CADPS2: variants seen among roughly 807,000 people sequenced by gnomAD.
The protein encoded by CADPS2 is calcium-dependent secretion activator 2.
In CADPS2, 93 loss-of-function variants were observed where a neutral mutation model predicts 172.5. The ratio of observed to expected loss-of-function variants is 0.54; its 90% CI spans 0.46 to 0.64. CADPS2 has a LOEUF of 0.64. CADPS2 is among the 30% of genes least tolerant of loss of function. The pLI is 0.00. For synonymous variants in CADPS2, 546 were observed against 555.2 expected, an observed-to-expected ratio of 0.98 and a Z score of 0.23; for missense variants, 1,420 against 1,565.9, an observed-to-expected ratio of 0.91 and a Z score of 1.57.
At position 122,886,203 on chromosome 7, in the gene CADPS2, C is replaced by G. The variant is rs1824336642; in HGVS notation, c.135G>C (p.Pro45=). 9 of 1,470,080 alleles carry G rather than the reference C, an allele frequency of 6.1e-6. No homozygotes were observed. The East Asian group carries it at 1.4e-4, about 23-fold the overall frequency. The allele number at this position is 1,470,080 out of a possible 1,614,324, so 91.1% of individuals were successfully genotyped here. A position where few individuals can be genotyped will look rare whatever the true frequency, so the allele number is the denominator to read the frequency against. ...APTREGRRDA[P]GRAGGGGAAR... is the part of the protein sequence containing the mutation. The stretch of plus-strand genomic sequence containing the variant: ...CCGCGCCGCCGCCGCCCGCGCGCCC[C>G]GGCGCGTCCCGCCGCCCTTCCCGAG... The change falls in exon 1 of 30, where the codon CCG becomes CCC. Residue 45 remains proline (P), a synonymous_variant. Coordinates refer to ENST00000449022, the MANE Select transcript of CADPS2 (RefSeq NM_017954.11).
Position 122,851,996 on chromosome 7 carries a change from C to T in CADPS2, c.339+34003G>A, listed in dbSNP as rs183504970. Among the ~76,000 whole-genome samples the T allele has an allele frequency of 1.7e-3, 256 of 152,292 alleles. 1 individual carries two copies. The highest frequency in any genetic ancestry group is 5.9e-3 in the African/African-American group (245 of 41,550). On this transcript the variant is annotated intron_variant, in intron 1 of 29. Coordinates refer to ENST00000449022, the MANE Select transcript of CADPS2 (RefSeq NM_017954.11). ...TACTATTATCACCCCTATATACAAA[C>T]CAGGAAACTGAGGCATAAGCCATGG...
chr7:122,458,967 A>T (rs569025006), intron 14 of CADPS2, among the ~76,000 whole-genome samples: 16 of 152,216 alleles, frequency 1.1e-4, no homozygotes, highest in African/African-American at 3.1e-4. Flanking sequence ...AAAAAACAAC[A>T]TATATTGTAA....
chr7:122,355,316 T>C (rs1358051872), intron 27 of CADPS2, among the ~76,000 whole-genome samples: 1 of 152,174 alleles, frequency 6.6e-6, no homozygotes, highest in Non-Finnish European at 1.5e-5. Flanking sequence ...CATGGTGGCA[T>C]ATGCCTGTAA....
At chr7:122,784,893 A>C (rs1338716285) in intron 1 of CADPS2, among the ~76,000 whole-genome samples, 1 of 152,066 alleles carries the variant, frequency 6.6e-6, no homozygotes, top group Non-Finnish European at 1.5e-5. Flanking sequence ...TTATATAATT[A>C]TTACCTTTCC....
chr7:122,392,449 A>G (rs1452254469), intron 22 of CADPS2, among the ~76,000 whole-genome samples: 1 of 151,828 alleles, frequency 6.6e-6, no homozygotes, highest in African/African-American at 2.4e-5. Context: ...ATTGTTTTAG[A>G]GTTGAGGAAA....
intron 15 of CADPS2, among the ~76,000 whole-genome samples, chr7:122,450,521 CTT>C (rs11422329): frequency 2.8e-3 from 225 of 79,074 alleles, no homozygotes; most frequent in African/African-American, 9.9e-3. Flanking sequence ...TATTGGTGGC[CTT>C]TTTTTTTTTT....
At chr7:122,487,183 C>T (rs564306946) in intron 11 of CADPS2, among the ~76,000 whole-genome samples, 241 of 151,730 alleles carry the variant, frequency 1.6e-3, no homozygotes, top group Middle Eastern at 0.014. Context: ...GCTAATTTTG[C>T]ATTTTTTGTA....
chr7:122,436,437 T>C (rs1199264565), intron 17 of CADPS2: 9 of 1,096,874 alleles, frequency 8.2e-6, no homozygotes, highest in Non-Finnish European at 1.1e-5. Context: ...TTGTCGTTCA[T>C]ATAATGTAAA....
intron 3 of CADPS2, among the ~76,000 whole-genome samples, chr7:122,652,094 C>T (rs2079211398): frequency 6.6e-6 from 1 of 152,180 alleles, no homozygotes; most frequent in African/African-American, 2.4e-5. Context: ...TTTTGGAGAA[C>T]CTCTTCATGA....
At chr7:122,729,065 C>T (rs2091388970) in intron 2 of CADPS2, among the ~76,000 whole-genome samples, 1 of 151,764 alleles carries the variant, frequency 6.6e-6, no homozygotes, top group Non-Finnish European at 1.5e-5. Context: ...TCGTTTGCTA[C>T]CTCCATGTGA....
chr7:122,859,148 A>T (rs1053492005), intron 1 of CADPS2, among the ~76,000 whole-genome samples: 1 of 152,180 alleles, frequency 6.6e-6, no homozygotes, highest in African/African-American at 2.4e-5. Context: ...TGCTCCTAAA[A>T]CTGCTTAATA....
At position 122,438,355 on chromosome 7, in the gene CADPS2, T is replaced by C; in HGVS notation, c.2462A>G (p.Tyr821Cys). 6.2e-7 allele frequency: 1 copy of C among 1,612,994 alleles called. No individual in the cohort carries two copies. The highest frequency in any genetic ancestry group is 8.5e-7 in the Non-Finnish European group (1 of 1,179,198). The change falls in exon 17 of 30, where the codon TAT becomes TGT. Residue 821 changes from tyrosine (Y) to cysteine (C), a missense_variant. Transcript: ENST00000449022. ...ACTGCACTGACCTTCTATTTTGGCA[T>C]ATTCTGTGAGTCTAGTGTAATTGAT... The part of the protein sequence containing the change: ...ALINYTRLTE[Y>C]AKIEETMNQA...
At chr7:122,774,451 C>T (rs1187294059) in intron 1 of CADPS2, among the ~76,000 whole-genome samples, 1 of 152,052 alleles carries the variant, frequency 6.6e-6, no homozygotes, top group Non-Finnish European at 1.5e-5. Flanking sequence ...AGAACCAGAA[C>T]CATTTCCAAG....
At chr7:122,449,944 T>C (rs180933740) in intron 15 of CADPS2, among the ~76,000 whole-genome samples, 11 of 152,296 alleles carry the variant, frequency 7.2e-5, no homozygotes, top group African/African-American at 2.2e-4. Context: ...CTAGCCCCAG[T>C]TGAAAAATCA....
chr7:122,669,142 G>A (rs1039213102), intron 2 of CADPS2, among the ~76,000 whole-genome samples: 4 of 151,970 alleles, frequency 2.6e-5, no homozygotes, highest in Admixed American at 2.0e-4. Context: ...ACCAGCCTGG[G>A]AAACATGGCG....
intron 1 of CADPS2, among the ~76,000 whole-genome samples, chr7:122,798,298 C>G (rs970126831): frequency 1.3e-5 from 2 of 152,242 alleles, no homozygotes; most frequent in Non-Finnish European, 2.9e-5. Flanking sequence ...GTTCACCCAG[C>G]CCCTAGACCA....
intron 1 of CADPS2, among the ~76,000 whole-genome samples, chr7:122,881,140 C>T (rs929608590): frequency 2.6e-5 from 4 of 152,106 alleles, no homozygotes; most frequent in South Asian, 2.1e-4. Flanking sequence ...CTTTAATGAC[C>T]TTACAAACTG....
chr7:122,459,380 C>A (rs982982545), intron 14 of CADPS2, among the ~76,000 whole-genome samples: 2 of 151,806 alleles, frequency 1.3e-5, no homozygotes, highest in African/African-American at 4.8e-5. Context: ...AAGAAAAATT[C>A]CCAAAGGTAT....
chr7:122,677,886 C>T (rs930356675), intron 2 of CADPS2, among the ~76,000 whole-genome samples: 1 of 152,180 alleles, frequency 6.6e-6, no homozygotes, highest in South Asian at 2.1e-4. Flanking sequence ...CTCCTGTTCA[C>T]CTGTTTGTCA....
Sources: allele counts gnomAD v4.1 joint callset (sites outside exome capture counted in the v4.1 genomes callset), GRCh38; gene constraint gnomAD v4.1.1; transcripts MANE v1.5; gene names NCBI Gene and HGNC (gene_info 2026-07-23, HGNC 2026-07-21).